NCAM2: variants seen among roughly 807,000 people sequenced by gnomAD.
NCAM2 encodes neural cell adhesion molecule 2.
A neutral mutation model predicts 98.1 loss-of-function variants in NCAM2; 30 were observed. The ratio of observed to expected loss-of-function variants is 0.31; its 90% confidence interval spans 0.23 to 0.41. The LOEUF is 0.41. Among genes scored for constraint, NCAM2 ranks in the 10% least tolerant of loss-of-function variants. NCAM2 has a pLI of 1.00. For synonymous variants in NCAM2, 368 were observed against 342.4 expected (o/e 1.07, Z -0.83); for missense variants, 867 against 1,005.8 (o/e 0.86, Z 1.87).
At chr21:21,456,804 A>C (rs1019935353) in intron 12 of NCAM2, among the ~76,000 whole-genome samples, 6 of 152,122 alleles carry the variant, frequency 3.9e-5, no homozygotes, top group African/African-American at 1.4e-4. Context: ...CTTTTAAAAG[A>C]TATTCCAGGG....
chr21:21,398,951 T>C (rs2076572674), intron 9 of NCAM2, among the ~76,000 whole-genome samples: 1 of 151,936 alleles, frequency 6.6e-6, no homozygotes, highest in African/African-American at 2.4e-5. Flanking sequence ...ACCAAGAAAA[T>C]GGTGGACTAA....
chr21:21,111,260 C>T (rs376182870), intron 1 of NCAM2, among the ~76,000 whole-genome samples: 87 of 152,268 alleles, frequency 5.7e-4, no homozygotes, highest in African/African-American at 2.0e-3. Context: ...TTTTGCTATT[C>T]ATACGTTACT....
intron 1 of NCAM2, among the ~76,000 whole-genome samples, chr21:21,084,891 A>T (rs917811901): frequency 1.3e-5 from 2 of 152,184 alleles, no homozygotes; most frequent in Non-Finnish European, 2.9e-5. Flanking sequence ...TGTACTTGAA[A>T]GTCTTGCTCA....
In NCAM2 at chr21:21,217,250, A is replaced by G. The variant is rs192771661; in HGVS notation, c.56-63328A>G. Among the ~76,000 whole-genome samples, 543 of 152,264 alleles carry G rather than the reference A, an allele frequency of 3.6e-3. 5 individuals carry two copies. Among genetic ancestry groups the G allele is most frequent in the African/African-American group, 0.013 (523 of 41,562 alleles). ...TTATTGCTCAGTACAAGCAACACTTATGGAAAATCAATGCTTAGGTAAATT... is the reference window on the plus strand; with the variant it reads ...TTATTGCTCAGTACAAGCAACACTTGTGGAAAATCAATGCTTAGGTAAATT... On this transcript the variant is annotated intron_variant, in intron 1 of 17. Coordinates refer to ENST00000400546, the MANE Select transcript of NCAM2 (RefSeq NM_004540.5).
intron 12 of NCAM2, among the ~76,000 whole-genome samples, chr21:21,465,170 T>A (rs1983515538): frequency 6.6e-6 from 1 of 152,134 alleles, no homozygotes; most frequent in South Asian, 2.1e-4. Context: ...TGGCTATTAA[T>A]ATTTATCTGG....
intron 1 of NCAM2, among the ~76,000 whole-genome samples, chr21:21,017,024 A>C (rs1274624150): frequency 6.6e-6 from 1 of 152,162 alleles, no homozygotes; most frequent in East Asian, 1.9e-4. Context: ...AAATATTTTT[A>C]TTGTTTTTAC....
intron 8 of NCAM2, among the ~76,000 whole-genome samples, chr21:21,369,105 A>G (rs1474628167): frequency 2.1e-5 from 3 of 140,526 alleles, no homozygotes; most frequent in Non-Finnish European, 4.6e-5. Flanking sequence ...TCACCCCCCA[A>G]TCTCCTCACC....
At chr21:21,524,401 TAAG>T (rs1053959308) in intron 16 of NCAM2, among the ~76,000 whole-genome samples, 6 of 143,936 alleles carry the variant, frequency 4.2e-5, no homozygotes, top group African/African-American at 1.6e-4. Context: ...CGCTGCCCTA[TAAG>T]GAACTCATTC....
chr21:21,475,028 C>T (rs1045508677), intron 14 of NCAM2, among the ~76,000 whole-genome samples: 1 of 128,606 alleles, frequency 7.8e-6, no homozygotes, highest in African/African-American at 3.0e-5. Flanking sequence ...ATATAATACA[C>T]ATATATAATG....
chr21:21,010,982 G>A (rs1370907426), intron 1 of NCAM2, among the ~76,000 whole-genome samples: 4 of 152,034 alleles, frequency 2.6e-5, no homozygotes, highest in Admixed American at 1.3e-4. Context: ...TTAGAAGGGC[G>A]AAGAGCTTGG....
At chr21:21,111,324 AT>A (rs1479821165) in intron 1 of NCAM2, among the ~76,000 whole-genome samples, 1 of 152,194 alleles carries the variant, frequency 6.6e-6, no homozygotes, top group Non-Finnish European at 1.5e-5. Context: ...AGAGTTGTGC[AT>A]TGAGGATTGA....
chr21:21,509,631 T>A (rs1420890189), intron 16 of NCAM2, among the ~76,000 whole-genome samples: 1 of 152,208 alleles, frequency 6.6e-6, no homozygotes, highest in Non-Finnish European at 1.5e-5. Context: ...GCTCTCTGTG[T>A]AGTTCTATTT....
At chr21:21,037,097 C>G (rs1040767945) in intron 1 of NCAM2, among the ~76,000 whole-genome samples, 2 of 152,144 alleles carry the variant, frequency 1.3e-5, no homozygotes, top group Non-Finnish European at 2.9e-5. Flanking sequence ...ATGGCACACC[C>G]ACAGCTCACT....
intron 1 of NCAM2, among the ~76,000 whole-genome samples, chr21:21,219,907 G>A (rs35990309): frequency 0.039 from 5,877 of 152,076 alleles, 157 homozygotes; most frequent in Middle Eastern, 0.071. Flanking sequence ...ATGTGTTTGC[G>A]TCACAGTTTT....
intron 1 of NCAM2, among the ~76,000 whole-genome samples, chr21:21,226,073 G>A (rs1255770567): frequency 6.6e-6 from 1 of 152,006 alleles, no homozygotes; most frequent in Non-Finnish European, 1.5e-5. Flanking sequence ...ACCAAATGCT[G>A]CATGTTCTCA....
chr21:21,263,820 C>T (rs1243083680), intron 1 of NCAM2, among the ~76,000 whole-genome samples: 1 of 152,110 alleles, frequency 6.6e-6, no homozygotes, highest in Non-Finnish European at 1.5e-5. Flanking sequence ...AAGAATTAAA[C>T]TGGACCCCTA....
At chr21:21,355,885 A>C (rs1231036549) in intron 8 of NCAM2, among the ~76,000 whole-genome samples, 2 of 152,118 alleles carry the variant, frequency 1.3e-5, no homozygotes, top group Non-Finnish European at 2.9e-5. Context: ...CTGGGATCAC[A>C]GGCGTGAACC....
chr21:21,356,996 AATAAAT>A (rs1281380945), intron 8 of NCAM2, among the ~76,000 whole-genome samples: 1 of 91,528 alleles, frequency 1.1e-5, no homozygotes, highest in Non-Finnish European at 2.9e-5. Flanking sequence ...TCAATAAATA[AATAAAT>A]AAATAAATAA....
intron 11 of NCAM2, among the ~76,000 whole-genome samples, chr21:21,427,977 A>T (rs1217632749): frequency 6.6e-6 from 1 of 152,156 alleles, no homozygotes; most frequent in Non-Finnish European, 1.5e-5. Flanking sequence ...TACTATTCTA[A>T]TCTCCATTTG....
Sources: gnomAD v4.1 joint callset for allele counts (sites outside exome capture counted in the v4.1 genomes callset) on GRCh38, gnomAD v4.1.1 for gene constraint, MANE v1.5 for transcripts, NCBI Gene and HGNC (gene_info 2026-07-23, HGNC 2026-07-21) for gene names.